NAV2: variants seen among roughly 807,000 people sequenced by gnomAD.
NAV2 encodes neuron navigator 2.
In NAV2, 54 loss-of-function variants were observed where a neutral mutation model predicts 223.2. That is an observed-to-expected ratio of 0.24 (90% CI 0.19 to 0.30). The LOEUF (loss-of-function observed/expected upper bound fraction) is 0.30, where lower values mean the gene tolerates loss of function less well. NAV2 is among the 10% of genes least tolerant of loss of function. NAV2 has a pLI of 1.00. For missense variants in NAV2, 2,806 were observed against 3,147.5 expected (o/e 0.89, Z 2.60); for synonymous variants, 1,279 against 1,239.3 (o/e 1.03, Z -0.67).
chr11:20,098,361 G>T (rs541589221), intron 31 of NAV2, among the ~76,000 whole-genome samples: 1 of 152,290 alleles, frequency 6.6e-6, no homozygotes, highest in East Asian at 1.9e-4. Flanking sequence ...TACATCAAAG[G>T]CTCTGTCATT....
chr11:20,106,953 C>G (rs1463155171), intron 35 of NAV2, among the ~76,000 whole-genome samples: 1 of 149,868 alleles, frequency 6.7e-6, no homozygotes, highest in African/African-American at 2.5e-5. Context: ...GCCAATTACT[C>G]AGTTTTAAAA....
At chr11:19,347,849 A>G (rs149871475), upstream of NAV2, among the ~76,000 whole-genome samples, 16 of 152,316 alleles carry the variant, frequency 1.1e-4, no homozygotes, top group Admixed American at 2.0e-4. Flanking sequence ...CTCTGGCAGT[A>G]GGAAACCAGA....
chr11:19,410,865 G>A (rs192575662), intron 1 of NAV2, among the ~76,000 whole-genome samples: 22 of 152,166 alleles, frequency 1.4e-4, no homozygotes. Flanking sequence ...TTTTTTGTTT[G>A]TTTGTTTGTT....
intron 1 of NAV2, among the ~76,000 whole-genome samples, chr11:19,390,878 T>C (rs1278394151): frequency 2.6e-5 from 4 of 152,196 alleles, no homozygotes; most frequent in Non-Finnish European, 4.4e-5. Flanking sequence ...GTTCAATAAC[T>C]ACTTGCCAGG....
chr11:19,614,068 T>G (rs566974577), intron 1 of NAV2, among the ~76,000 whole-genome samples: 153 of 152,314 alleles, frequency 1.0e-3, no homozygotes, highest in African/African-American at 3.6e-3. Flanking sequence ...CTTTCAGAAC[T>G]GCAGGGTGCT....
chr11:19,933,207 C>A lies in NAV2; in HGVS notation c.963C>A (p.Pro321=). The A allele has an allele frequency of 1.3e-6, 2 of 1,551,938 alleles. No homozygotes were observed. The highest frequency in any genetic ancestry group is 1.7e-6 in the Non-Finnish European group (2 of 1,147,408). ...EPLASSASSH[P]GMSDNAPASL... ...TGGCAAGTTCAGCCTCCTCCCACCCCGGAATGAGTGACAATGCACCTGCTT... is the reference window on the plus strand; with the variant it reads ...TGGCAAGTTCAGCCTCCTCCCACCCAGGAATGAGTGACAATGCACCTGCTT... Residue 321 remains proline, a synonymous_variant, in exon 7 of 38, where the codon CCC becomes CCA. Transcript: ENST00000349880. This position sits in a 1 kb window ranked among gnomAD's most constrained non-coding sequence, Gnocchi z 4.3.
chr11:19,845,030 A>T (rs2060714417), intron 3 of NAV2, among the ~76,000 whole-genome samples: 1 of 152,162 alleles, frequency 6.6e-6, no homozygotes, highest in Admixed American at 6.5e-5. Flanking sequence ...GATGAGAAGG[A>T]CAATAGGATC....
chr11:19,489,446 T>G (rs1219961676), intron 1 of NAV2, among the ~76,000 whole-genome samples: 4 of 152,260 alleles, frequency 2.6e-5, no homozygotes, highest in Admixed American at 1.3e-4. Flanking sequence ...TACAGAGTAG[T>G]GCTTAATTCC....
At chr11:19,421,764 C>CTT (rs373669949) in intron 1 of NAV2, among the ~76,000 whole-genome samples, 16,446 of 84,504 alleles carry the variant, frequency 0.19, 3,848 homozygotes, top group Non-Finnish European at 0.24. Flanking sequence ...AAGAGAGAGG[C>CTT]TTTTTTTTTT....
rs530961749 is a variant in NAV2, at chr11:19,383,701, A to G, written c.75+32674A>G. On this transcript the variant is annotated intron_variant, in intron 1 of 37. Transcript: ENST00000360655. ...GGGCCTCCTACGTGAAATCAAGGTA[A>G]CACTACCCTTGCTGGTATTGCAACG... Among the ~76,000 whole-genome samples, 8 of 152,332 alleles carry G rather than the reference A, an allele frequency of 5.3e-5. No homozygotes were observed. The East Asian group carries it at 1.5e-3, about 29-fold the overall frequency.
chr11:19,892,396 G>T, intron 5 of NAV2, 38 bp from the exon 6 acceptor site: 1 of 1,597,398 alleles, frequency 6.3e-7, no homozygotes, highest in Non-Finnish European at 8.5e-7. Context: ...TTATTCTTCT[G>T]AGACTGAATG....
intron 1 of NAV2, among the ~76,000 whole-genome samples, chr11:19,659,903 A>C (rs146512448): frequency 2.2e-4 from 33 of 152,284 alleles, no homozygotes; most frequent in African/African-American, 6.7e-4. Flanking sequence ...GTTACTCTCT[A>C]TGGAGTGCTT....
upstream of NAV2, among the ~76,000 whole-genome samples, chr11:19,350,085 C>CTGATGATGACGA (rs1853223803): frequency 6.7e-6 from 1 of 149,624 alleles, no homozygotes; most frequent in Non-Finnish European, 1.5e-5. Flanking sequence ...CCTTATTCCT[C>CTGATGATGACGA]TGATGATGAT....
At chr11:19,851,797 T>C (rs1334013808) in intron 3 of NAV2, among the ~76,000 whole-genome samples, 1 of 152,230 alleles carries the variant, frequency 6.6e-6, no homozygotes, top group East Asian at 1.9e-4. Flanking sequence ...TATGTTATCT[T>C]ACCTGATGAG....
intron 11 of NAV2, among the ~76,000 whole-genome samples, chr11:20,018,336 A>G (rs1204437019): frequency 7.7e-6 from 1 of 129,120 alleles, no homozygotes; most frequent in African/African-American, 2.9e-5. Context: ...CCTGGGCGAC[A>G]GAGTGAGATT....
In NAV2 at chr11:19,607,480, A is replaced by G. The variant is rs1351770937; in HGVS notation, c.76-225004A>G. On this transcript the variant is annotated intron_variant, in intron 1 of 37. Transcript: ENST00000360655. Reference sequence around the variant, plus strand: ...GCTGTCATCTGAGGTTGCAGCTGGAAGATGGGCCAGTTCTACTTAAATGTT... The same window carrying G: ...GCTGTCATCTGAGGTTGCAGCTGGAGGATGGGCCAGTTCTACTTAAATGTT... Among the ~76,000 whole-genome samples, 2 of 152,342 alleles carry G rather than the reference A, an allele frequency of 1.3e-5. 1 individual carries two copies. The highest frequency in any genetic ancestry group is 4.1e-4 in the South Asian group (2 of 4,832).
intron 1 of NAV2, among the ~76,000 whole-genome samples, chr11:19,694,751 AG>A (rs1017100135): frequency 6.6e-6 from 1 of 152,180 alleles, no homozygotes; most frequent in African/African-American, 2.4e-5. Flanking sequence ...CTAGGGGTGC[AG>A]GGACCACCCA....
chr11:19,714,391 T>G (rs906752879), intron 1 of NAV2: 1 of 464,476 alleles, frequency 2.2e-6, no homozygotes, highest in Non-Finnish European at 4.3e-6. Flanking sequence ...TAAGGCCCCA[T>G]TGGGTTCGAC....
intron 36 of NAV2, among the ~76,000 whole-genome samples, chr11:20,109,493 C>T (rs1192199681): frequency 2.0e-5 from 3 of 152,166 alleles, no homozygotes; most frequent in African/African-American, 7.2e-5. Flanking sequence ...TTTGTTAAGA[C>T]CACAGACCCA....
Sources: gnomAD v4.1 joint callset for allele counts (sites outside exome capture counted in the v4.1 genomes callset) on GRCh38, gnomAD v4.1.1 for gene constraint, Gnocchi (gnomAD v3.1) non-coding constraint, MANE v1.5 for transcripts, NCBI Gene and HGNC (gene_info 2026-07-23, HGNC 2026-07-21) for gene names.